SUMF1: variants seen among roughly 807,000 people sequenced by gnomAD.
SUMF1 encodes the protein sulfatase modifying factor 1.
A neutral mutation model predicts 47.6 loss-of-function variants in SUMF1; 48 were observed. The ratio of observed to expected loss-of-function variants is 1.01; its 90% CI spans 0.80 to 1.28. The LOEUF is 1.28. Ranked by LOEUF, SUMF1 falls within the 50% of genes most tolerant of loss-of-function variation. The probability of loss-of-function intolerance (pLI) is 0.00; values close to 1 mark genes in which losing one functional copy is unlikely to be tolerated. For missense variants in SUMF1, 571 were observed against 485.4 expected (o/e 1.18, Z -1.66); for synonymous variants, 230 against 192.1 (o/e 1.20, Z -1.63).
intron 8 of SUMF1, among the ~76,000 whole-genome samples, chr3:4,301,597 C>T (rs1211232232): frequency 6.6e-6 from 1 of 152,142 alleles, no homozygotes; most frequent in South Asian, 2.1e-4. Flanking sequence ...AACATGAAGG[C>T]AGAATCAACA....
chr3:4,298,877 C>T (rs1180383435), intron 8 of SUMF1, among the ~76,000 whole-genome samples: 1 of 152,108 alleles, frequency 6.6e-6, no homozygotes, highest in Non-Finnish European at 1.5e-5. Context: ...TATCTCCAGC[C>T]AATCTGAAAT....
At chr3:4,411,890 T>G (rs1274299244) in intron 6 of SUMF1, among the ~76,000 whole-genome samples, 1 of 152,148 alleles carries the variant, frequency 6.6e-6, no homozygotes, top group East Asian at 1.9e-4. Context: ...TAAAAATCTT[T>G]TTGTAAATCC....
chr3:4,434,037 C>A (rs905151401), intron 3 of SUMF1, among the ~76,000 whole-genome samples: 2 of 152,134 alleles, frequency 1.3e-5, no homozygotes, highest in African/African-American at 4.8e-5. Context: ...GTAAGTCAGG[C>A]ACAAAAGGAC....
chr3:4,402,543 GA>G (rs1301321605), intron 7 of SUMF1, among the ~76,000 whole-genome samples: 2 of 152,194 alleles, frequency 1.3e-5, no homozygotes, highest in Non-Finnish European at 2.9e-5. Flanking sequence ...GGATACTCAG[GA>G]AATGTAGGCT....
chr3:4,197,029 C>T (rs1029436093), intron 8 of SUMF1, among the ~76,000 whole-genome samples: 2 of 152,016 alleles, frequency 1.3e-5, no homozygotes, highest in East Asian at 1.9e-4. Context: ...CACTCCTAGA[C>T]GAAACTGTCT....
chr3:4,279,702 C>T (rs550219490), intron 8 of SUMF1, among the ~76,000 whole-genome samples: 2 of 152,144 alleles, frequency 1.3e-5, no homozygotes, highest in African/African-American at 2.4e-5. Flanking sequence ...ACAAGAGACT[C>T]ATAATACGAA....
chr3:4,238,622 T>C (rs1696464705), intron 8 of SUMF1, among the ~76,000 whole-genome samples: 1 of 152,196 alleles, frequency 6.6e-6, no homozygotes. Flanking sequence ...GATGGGGTTG[T>C]TTCTTTTTTT....
chr3:4,355,301 G>A (rs1437031208), intron 8 of SUMF1, among the ~76,000 whole-genome samples: 3 of 152,250 alleles, frequency 2.0e-5, no homozygotes, highest in Non-Finnish European at 1.5e-5. Context: ...AGGCTGTAGT[G>A]AGCCATGATT....
intron 7 of SUMF1, among the ~76,000 whole-genome samples, chr3:4,410,121 C>T (rs775596877): frequency 3.3e-5 from 5 of 152,186 alleles, no homozygotes; most frequent in Admixed American, 6.5e-5. Context: ...TTCTCCCCCC[C>T]AATCTGTTCA....
intron 8 of SUMF1, among the ~76,000 whole-genome samples, chr3:4,333,544 AT>A (rs201565317): frequency 0.012 from 1,892 of 152,278 alleles, 44 homozygotes; most frequent in African/African-American, 0.043. Flanking sequence ...CAAGGATCCC[AT>A]TTTTTATACC....
chr3:4,215,802 A>G (rs1695910185), intron 8 of SUMF1, among the ~76,000 whole-genome samples: 1 of 152,148 alleles, frequency 6.6e-6, no homozygotes, highest in African/African-American at 2.4e-5. Context: ...TGCTACTAAG[A>G]GAAAAAAATA....
At chr3:4,283,168 T>C (rs1697562558) in intron 8 of SUMF1, among the ~76,000 whole-genome samples, 1 of 152,184 alleles carries the variant, frequency 6.6e-6, no homozygotes, top group Non-Finnish European at 1.5e-5. Context: ...TACAAGTTTG[T>C]TCCTTTTCGT....
chr3:4,363,003 C>A (rs984310410), intron 8 of SUMF1, among the ~76,000 whole-genome samples: 1 of 152,018 alleles, frequency 6.6e-6, no homozygotes, highest in Admixed American at 6.6e-5. Flanking sequence ...ACTACATGTG[C>A]CAAGAAGAAA....
chr3:4,172,702 G>T (rs201643819), intron 8 of SUMF1, among the ~76,000 whole-genome samples: 5 of 149,910 alleles, frequency 3.3e-5, no homozygotes, highest in South Asian at 2.1e-4. Flanking sequence ...TGTTTTTTTT[G>T]TTTTTTGGGG....
chr3:4,403,827 G>A (rs1358440116), intron 7 of SUMF1, among the ~76,000 whole-genome samples: 1 of 152,150 alleles, frequency 6.6e-6, no homozygotes, highest in Non-Finnish European at 1.5e-5. Flanking sequence ...AATTCCCACA[G>A]GGGGAGAGGT....
chr3:4,181,437 C>A (rs1695093647), intron 8 of SUMF1, among the ~76,000 whole-genome samples: 1 of 152,082 alleles, frequency 6.6e-6, no homozygotes, highest in Non-Finnish European at 1.5e-5. Context: ...AAAAATATAT[C>A]TTCTTGGGGA....
intron 8 of SUMF1, among the ~76,000 whole-genome samples, chr3:4,235,869 A>G (rs1696395646): frequency 6.6e-6 from 1 of 151,920 alleles, no homozygotes; most frequent in African/African-American, 2.4e-5. Flanking sequence ...CTGCCATGCT[A>G]CTCGTCTCTG....
At chr3:4,316,447 C>T (rs1348094739) in intron 8 of SUMF1, 2 of 1,601,282 alleles carry the variant, frequency 1.2e-6, no homozygotes, top group African/African-American at 1.3e-5. Flanking sequence ...CAGTTGAGAG[C>T]AATCATCGAA....
chr3:4,129,147 C>G (rs978682548), intron 8 of SUMF1, among the ~76,000 whole-genome samples: 1 of 152,038 alleles, frequency 6.6e-6, no homozygotes, highest in East Asian at 1.9e-4. Context: ...TTTGAAGAGC[C>G]CTGTAATTGC....
Sources: allele counts gnomAD v4.1 joint callset (sites outside exome capture counted in the v4.1 genomes callset), GRCh38; gene constraint gnomAD v4.1.1; transcripts MANE v1.5; gene names NCBI Gene and HGNC (gene_info 2026-07-23, HGNC 2026-07-21).